Variants in FBXL17 observed in about 807,000 individuals in gnomAD.
FBXL17 encodes F-box/LRR-repeat protein 17.
A neutral mutation model predicts 66.2 loss-of-function variants in FBXL17; 22 were observed. The observed-to-expected ratio is 0.33, with a 90% confidence interval of 0.24 to 0.47. The LOEUF is 0.47. FBXL17 is among the 20% of genes least tolerant of loss of function. FBXL17 has a pLI of 1.00. For missense variants in FBXL17, 878 were observed against 948.2 expected, an observed-to-expected ratio of 0.93 and a Z score of 0.97; for synonymous variants, 474 against 400.5, an observed-to-expected ratio of 1.18 and a Z score of -2.19.
chr5:107,890,218 C>A (rs1239615785), intron 7 of FBXL17, among the ~76,000 whole-genome samples: 1 of 152,088 alleles, frequency 6.6e-6, no homozygotes, highest in African/African-American at 2.4e-5. Flanking sequence ...GAAGTGAATT[C>A]TGGGTTTAAA....
intron 4 of FBXL17, among the ~76,000 whole-genome samples, chr5:108,296,331 C>T (rs1490082009): frequency 6.6e-6 from 1 of 151,890 alleles, no homozygotes; most frequent in East Asian, 1.9e-4. Flanking sequence ...GCTGACACTA[C>T]AAGTCTTCAT....
At chr5:108,058,057 T>C (rs1412990065) in intron 6 of FBXL17, among the ~76,000 whole-genome samples, 1 of 152,210 alleles carries the variant, frequency 6.6e-6, no homozygotes, top group Non-Finnish European at 1.5e-5. Context: ...ACTAAGTTAC[T>C]AGATTCCTAA....
intron 4 of FBXL17, among the ~76,000 whole-genome samples, chr5:108,259,531 C>CT (rs1756722419): frequency 6.6e-6 from 1 of 152,100 alleles, no homozygotes; most frequent in Admixed American, 6.5e-5. Context: ...CTCTCTTAGC[C>CT]TTTTAGTTTC....
At chr5:107,895,018 C>T (rs1226134512) in intron 7 of FBXL17, among the ~76,000 whole-genome samples, 1 of 151,970 alleles carries the variant, frequency 6.6e-6, no homozygotes, top group East Asian at 1.9e-4. Context: ...CCTCTTCCTC[C>T]TTTTATTTTT....
chr5:107,889,041 C>T (rs548564190), intron 7 of FBXL17, among the ~76,000 whole-genome samples: 19 of 91,328 alleles, frequency 2.1e-4, no homozygotes, highest in African/African-American at 4.7e-4. Context: ...CTAGTGGGTA[C>T]GTAGTAGTAC....
At chr5:108,319,499 T>A (rs959743742) in intron 4 of FBXL17, among the ~76,000 whole-genome samples, 1 of 151,890 alleles carries the variant, frequency 6.6e-6, no homozygotes, top group African/African-American at 2.4e-5. Flanking sequence ...ATTTACTTTA[T>A]AAAACATTTG....
intron 6 of FBXL17, among the ~76,000 whole-genome samples, chr5:108,061,442 T>C (rs1398453328): frequency 1.3e-5 from 2 of 152,082 alleles, no homozygotes; most frequent in Non-Finnish European, 2.9e-5. Flanking sequence ...CAAGGCTCAT[T>C]TCCAGAACCA....
intron 6 of FBXL17, among the ~76,000 whole-genome samples, chr5:108,110,957 A>T (rs1750010220): frequency 6.6e-6 from 1 of 152,290 alleles, no homozygotes; most frequent in African/African-American, 2.4e-5. Context: ...TCCCTAATAC[A>T]TTGAATAGTC....
intron 1 of FBXL17, among the ~76,000 whole-genome samples, chr5:108,378,078 TAAAG>T (rs775186655): frequency 1.3e-5 from 2 of 152,224 alleles, no homozygotes; most frequent in Admixed American, 6.5e-5. Context: ...AACAACTTGT[TAAAG>T]AAACTATTAT....
chr5:108,252,807 A>G (rs1756412423), intron 4 of FBXL17, among the ~76,000 whole-genome samples: 1 of 152,168 alleles, frequency 6.6e-6, no homozygotes, highest in African/African-American at 2.4e-5. Flanking sequence ...ATTTCACCCC[A>G]AAGCTGGGTA....
At chr5:108,238,769 C>T (rs551170375) in intron 4 of FBXL17, among the ~76,000 whole-genome samples, 13 of 152,220 alleles carry the variant, frequency 8.5e-5, no homozygotes, top group South Asian at 4.1e-4. Context: ...CCTCAGCCTC[C>T]CAAAGTTTTC....
intron 6 of FBXL17, among the ~76,000 whole-genome samples, chr5:108,118,563 T>C (rs542959283): frequency 1.5e-4 from 23 of 152,352 alleles, no homozygotes; most frequent in African/African-American, 5.5e-4. Flanking sequence ...CATAATTTGT[T>C]TCCCTGGACC....
chr5:108,190,999 G>A (rs1306835306), intron 5 of FBXL17, among the ~76,000 whole-genome samples: 1 of 152,124 alleles, frequency 6.6e-6, no homozygotes. Context: ...AGGAAAATAA[G>A]AAATAAACTA....
chr5:108,068,072 T>A (rs774287632), intron 6 of FBXL17, among the ~76,000 whole-genome samples: 2 of 152,210 alleles, frequency 1.3e-5, no homozygotes, highest in Non-Finnish European at 2.9e-5. Context: ...GTATTGACAT[T>A]TCATATTCAC....
chr5:108,206,262 GA>G (rs1198474913), intron 5 of FBXL17, among the ~76,000 whole-genome samples: 2 of 151,804 alleles, frequency 1.3e-5, no homozygotes, highest in Admixed American at 6.6e-5. Context: ...ATTCCTATAA[GA>G]AAAAAAGGAT....
intron 4 of FBXL17, among the ~76,000 whole-genome samples, chr5:108,296,947 CT>C (rs1758372216): frequency 1.3e-5 from 2 of 150,920 alleles, no homozygotes; most frequent in Admixed American, 6.6e-5. Context: ...AGATAATATA[CT>C]TTTTTCATTC....
At chr5:108,317,329 TTTTTG>T (rs1313857482) in intron 4 of FBXL17, among the ~76,000 whole-genome samples, 1 of 150,572 alleles carries the variant, frequency 6.6e-6, no homozygotes, top group Non-Finnish European at 1.5e-5. Context: ...TGTTTTTTGT[TTTTTG>T]TTTTTTTTTT....
intron 5 of FBXL17, among the ~76,000 whole-genome samples, chr5:108,190,651 A>G (rs1273581444): frequency 6.6e-6 from 1 of 151,698 alleles, no homozygotes; most frequent in Non-Finnish European, 1.5e-5. Context: ...AGGTGGATAA[A>G]ATGGTTTCAC....
intron 4 of FBXL17, among the ~76,000 whole-genome samples, chr5:108,268,829 C>A (rs1757149193): frequency 6.6e-6 from 1 of 151,940 alleles, no homozygotes. Flanking sequence ...AGTTTTTAAG[C>A]TGGTCCTGAG....
Sources: allele counts gnomAD v4.1 joint callset (sites outside exome capture counted in the v4.1 genomes callset), GRCh38; gene constraint gnomAD v4.1.1; transcripts MANE v1.5; gene names NCBI Gene and HGNC (gene_info 2026-07-23, HGNC 2026-07-21).